Variants in PLCB4 observed in about 807,000 individuals in gnomAD.
PLCB4 encodes the protein phospholipase C beta 4.
Under a neutral mutation model 178.8 loss-of-function variants are expected in PLCB4, and 77 were observed. The ratio of observed to expected loss-of-function variants is 0.43; its 90% CI spans 0.36 to 0.52. PLCB4 has a LOEUF of 0.52. Ranked by LOEUF, PLCB4 falls within the 20% of genes least tolerant of loss-of-function variation. The probability of loss-of-function intolerance (pLI) is 0.00; values close to 1 mark genes in which losing one functional copy is unlikely to be tolerated. For synonymous variants in PLCB4, 496 were observed against 490.8 expected (o/e 1.01, Z -0.14); for missense variants, 1,024 against 1,453.4 (o/e 0.70, Z 4.80).
At chr20:9,109,467 T>G (rs1005215744) in intron 2 of PLCB4, among the ~76,000 whole-genome samples, 4 of 151,710 alleles carry the variant, frequency 2.6e-5, no homozygotes, top group African/African-American at 9.7e-5. Flanking sequence ...ATAAAATGAT[T>G]GCTTTTTTTT....
At chr20:9,350,096 A>G in intron 7 of PLCB4, among the ~76,000 whole-genome samples, 1 of 152,050 alleles carries the variant, frequency 6.6e-6, no homozygotes, top group East Asian at 1.9e-4. Flanking sequence ...CTAATTTTGT[A>G]TGTCCTGTGA....
At chr20:9,361,103 A>C (rs2035286068) in intron 7 of PLCB4, among the ~76,000 whole-genome samples, 1 of 152,224 alleles carries the variant, frequency 6.6e-6, no homozygotes, top group African/African-American at 2.4e-5. Flanking sequence ...ACGATGAAAA[A>C]CAGTATGGTA....
In PLCB4 at chr20:9,311,350, T is replaced by C. The variant is rs575042692; in HGVS notation, c.84+3452T>C. Among the ~76,000 whole-genome samples, 8 of 152,342 alleles carry C rather than the reference T, an allele frequency of 5.3e-5. No individual in the cohort carries two copies. In the South Asian group the frequency reaches 1.7e-3, roughly 32 times the overall value. On this transcript the variant is annotated intron_variant, in intron 4 of 39. Coordinates refer to ENST00000378473, the MANE Select transcript of PLCB4 (RefSeq NM_001377142.1). ...TCAAATTCCAGAAATACAAGGATGTTGTATAAAGTAGACTTTTTACTGAAG... is the reference window on the plus strand; with the variant it reads ...TCAAATTCCAGAAATACAAGGATGTCGTATAAAGTAGACTTTTTACTGAAG...
chr20:9,330,274 A>C (rs1404787350), intron 4 of PLCB4, among the ~76,000 whole-genome samples: 1 of 151,342 alleles, frequency 6.6e-6, no homozygotes, highest in Non-Finnish European at 1.5e-5. Context: ...AGTCACGCAT[A>C]ATGTGATTTA....
intron 7 of PLCB4, among the ~76,000 whole-genome samples, chr20:9,356,914 G>T (rs918948822): frequency 6.6e-6 from 1 of 152,088 alleles, no homozygotes; most frequent in Non-Finnish European, 1.5e-5. Context: ...CCAGGAGTTT[G>T]AGACCAACCT....
intron 12 of PLCB4, among the ~76,000 whole-genome samples, chr20:9,376,946 G>A (rs2036726782): frequency 6.6e-6 from 1 of 152,080 alleles, no homozygotes; most frequent in Non-Finnish European, 1.5e-5. Flanking sequence ...GCAGATGAAA[G>A]AATATTTTAA....
chr20:9,134,966 G>A (rs6086789), intron 2 of PLCB4, among the ~76,000 whole-genome samples: 1 of 152,034 alleles, frequency 6.6e-6, no homozygotes, highest in Admixed American at 6.6e-5. Context: ...CCATTGAGTA[G>A]GTAAGCACTG....
chr20:9,317,524 A>C (rs2094912064), intron 4 of PLCB4, among the ~76,000 whole-genome samples: 1 of 152,176 alleles, frequency 6.6e-6, no homozygotes, highest in African/African-American at 2.4e-5. Flanking sequence ...TCCCCCATGA[A>C]ATAGTGTCTC....
intron 2 of PLCB4, among the ~76,000 whole-genome samples, chr20:9,189,546 CT>C (rs1288290744): frequency 6.6e-6 from 1 of 152,202 alleles, no homozygotes; most frequent in African/African-American, 2.4e-5. Context: ...CTGTAGGATG[CT>C]TAGCAGCATC....
At chr20:9,180,466 T>C (rs546226855) in intron 2 of PLCB4, among the ~76,000 whole-genome samples, 8 of 152,178 alleles carry the variant, frequency 5.3e-5, no homozygotes, top group Admixed American at 1.3e-4. Flanking sequence ...TCATATGGGA[T>C]TGGTCTATGG....
At chr20:9,098,138 AT>A (rs1447129261) in intron 2 of PLCB4, among the ~76,000 whole-genome samples, 1 of 152,200 alleles carries the variant, frequency 6.6e-6, no homozygotes, top group African/African-American at 2.4e-5. Context: ...CAGATTATTT[AT>A]TTAAATGTTG....
intron 4 of PLCB4, among the ~76,000 whole-genome samples, chr20:9,327,597 A>C (rs532079103): frequency 6.6e-6 from 1 of 151,548 alleles, no homozygotes; most frequent in Non-Finnish European, 1.5e-5. Flanking sequence ...TAACACAGAC[A>C]AACCCCATCT....
intron 3 of PLCB4, among the ~76,000 whole-genome samples, chr20:9,232,068 T>A (rs77979348): frequency 6.6e-5 from 10 of 152,246 alleles, no homozygotes; most frequent in Non-Finnish European, 1.5e-4. Context: ...AAATGCTGGG[T>A]CATTTAATTT....
At chr20:9,186,679 C>T (rs910548872) in intron 2 of PLCB4, among the ~76,000 whole-genome samples, 4 of 152,148 alleles carry the variant, frequency 2.6e-5, no homozygotes, top group Non-Finnish European at 4.4e-5. Flanking sequence ...CTTCTCCTTT[C>T]CAGTGGTGTG....
chr20:9,164,342 C>G (rs1256719903), intron 2 of PLCB4, among the ~76,000 whole-genome samples: 1 of 151,976 alleles, frequency 6.6e-6, no homozygotes, highest in Non-Finnish European at 1.5e-5. Flanking sequence ...TATTTGCATG[C>G]ACCCTTGTGA....
At chr20:9,194,911 A>G (rs2093451933) in intron 2 of PLCB4, among the ~76,000 whole-genome samples, 1 of 152,154 alleles carries the variant, frequency 6.6e-6, no homozygotes, top group African/African-American at 2.4e-5. Context: ...CTTTGCAGAA[A>G]TCTTTTAGTA....
intron 3 of PLCB4, among the ~76,000 whole-genome samples, chr20:9,251,785 C>T (rs1019940370): frequency 3.3e-5 from 5 of 152,154 alleles, no homozygotes; most frequent in African/African-American, 4.8e-5. Flanking sequence ...TTAAAAAATA[C>T]ATAATGCTAG....
At chr20:9,094,022 T>C (rs1432295075) in intron 1 of PLCB4, among the ~76,000 whole-genome samples, 1 of 152,142 alleles carries the variant, frequency 6.6e-6, no homozygotes, top group Admixed American at 6.6e-5. Flanking sequence ...GCCCCAAATC[T>C]TTGCCATGAA....
chr20:9,419,798 T>C lies in PLCB4; in HGVS notation c.2052-9T>C. The C allele has an allele frequency of 6.3e-7, 1 of 1,576,728 alleles. No homozygotes were observed. The highest frequency in any genetic ancestry group is 8.7e-7 in the Non-Finnish European group (1 of 1,145,866). On this transcript the variant is annotated splice_polypyrimidine_tract_variant and intron_variant, in intron 25 of 39. Transcript: ENST00000378473. ...CTACTAATAAACTTCTATGCTATTG[T>C]CCTACCAGGTACCTTCTCAAACCAG...
Sources: allele counts gnomAD v4.1 joint callset (sites outside exome capture counted in the v4.1 genomes callset), GRCh38; gene constraint gnomAD v4.1.1; transcripts MANE v1.5; gene names NCBI Gene and HGNC (gene_info 2026-07-23, HGNC 2026-07-21).